The following DEPDC4 variants were observed in gnomAD, a reference collection of about 807,000 sequenced individuals.
DEPDC4 encodes DEP domain-containing protein 4.
Under a neutral mutation model 52.0 loss-of-function variants are expected in DEPDC4, and 52 were observed. The ratio of observed to expected loss-of-function variants is 1.00; its 90% CI spans 0.80 to 1.26. The LOEUF (loss-of-function observed/expected upper bound fraction) is 1.26, where lower values mean the gene tolerates loss of function less well. Among genes scored for constraint, DEPDC4 ranks in the 50% most tolerant of loss-of-function variants. The pLI is 0.00. For missense variants in DEPDC4, 530 were observed against 546.9 expected (o/e 0.97, Z 0.31); for synonymous variants, 201 against 196.8 (o/e 1.02, Z -0.18).
chr12:100,241,283 G>A lies in DEPDC4; in HGVS notation c.*609C>T, dbSNP rs551815203. Among the ~76,000 whole-genome samples, 1 of 152,230 alleles carries A rather than the reference G, an allele frequency of 6.6e-6. No homozygotes were observed. Among genetic ancestry groups the A allele is most frequent in the East Asian group, 1.9e-4 (1 of 5,176 alleles). On this transcript the variant is annotated 3_prime_UTR_variant, in exon 10 of 10. Coordinates refer to ENST00000550587, the MANE Select transcript of DEPDC4 (RefSeq NM_001364818.2). ...AATAATAGCAGCACATTTATTAAGT[G>A]ATTTTAGCAGCATAATTAAGTGAAT...
At chr12:100,281,026 T>TG in the DEPDC4 span, among the ~76,000 whole-genome samples, 4,200 of 100,628 alleles carry the variant, frequency 0.042, 228 homozygotes, top group Non-Finnish European at 0.06. Context: ...AGTGTTTTTT[T>TG]TTTTTTTTTT....
upstream of DEPDC4, among the ~76,000 whole-genome samples, chr12:100,269,631 T>G (rs531395891): frequency 7.9e-5 from 12 of 152,254 alleles, no homozygotes; most frequent in Admixed American, 4.6e-4. Context: ...TTTCCCCTTT[T>G]TGTAGATTAG....
chr12:100,273,924 C>T, the DEPDC4 span, among the ~76,000 whole-genome samples: 5 of 152,132 alleles, frequency 3.3e-5, no homozygotes, highest in South Asian at 6.2e-4. Flanking sequence ...TGTCAGGCAG[C>T]GTTAGAGGAA....
In DEPDC4 at chr12:100,266,977, G is replaced by C; in HGVS notation, c.100C>G (p.Leu34Val). ...CGGTTCCTGGAACTTGGCCCGTTCA[G>C]CCCTGGGCCCGGAAGCTCGTTCTGA... ...VSQNELPGPG[L>V]NGPSSRNRRD... is the part of the protein sequence containing the mutation. The change falls in exon 1 of 10, where the codon CTG becomes GTG. Residue 34 changes from leucine to valine, a missense_variant. Physicochemically the swap from Leu to Val is conservative, Grantham distance 32. Transcript: ENST00000550587. 1 of 1,614,084 alleles carries C rather than the reference G, an allele frequency of 6.2e-7. No homozygotes were observed. The highest frequency in any genetic ancestry group is 1.3e-5 in the African/African-American group (1 of 75,050).
intron 2 of DEPDC4, 64 bp from the exon 3 acceptor site, chr12:100,262,473 T>TG: frequency 8.0e-7 from 1 of 1,246,298 alleles, no homozygotes; most frequent in Non-Finnish European, 1.1e-6. Context: ...AATATATATT[T>TG]AAATTAATGT....
Position 100,256,091 on chromosome 12 carries a change from G to A in DEPDC4, c.836C>T (p.Thr279Ile). The A allele has an allele frequency of 3.7e-6, 6 of 1,613,158 alleles. No homozygotes were observed. The highest frequency in any genetic ancestry group is 1.1e-5 in the South Asian group (1 of 91,014). The change falls in exon 4 of 10, where the codon ACT (threonine) becomes ATT (isoleucine). Residue 279 changes from threonine to isoleucine, a missense_variant. Physicochemically the swap from Thr to Ile is moderately conservative, Grantham distance 89. Transcript: ENST00000550587. ...NKEEDLVITN[T>I]CLDRELIPSL... Reference sequence around the variant, plus strand: ...TGGAATAAGTTCTCTGTCTAGGCAAGTGTTAGTGATAACAAGATCTTCCTC... The same window carrying A: ...TGGAATAAGTTCTCTGTCTAGGCAAATGTTAGTGATAACAAGATCTTCCTC...
chr12:100,268,929 ACT>A (rs1396349433), upstream of DEPDC4, among the ~76,000 whole-genome samples: 1 of 151,544 alleles, frequency 6.6e-6, no homozygotes, highest in Non-Finnish European at 1.5e-5. Flanking sequence ...ATATCTCTTG[ACT>A]CTTGTCTGCT....
rs1272396990 is a variant in DEPDC4, at chr12:100,241,740, C to T, written c.*152G>A. On this transcript the variant is annotated 3_prime_UTR_variant, in exon 10 of 10. Transcript: ENST00000550587. The stretch of plus-strand genomic sequence containing the variant: ...TTTCTTTTTTCGTTTCAGAGAGATG[C>T]TGGGGTTACTATTAATCTCAAGAGC... 1 of 1,274,164 alleles carries T rather than the reference C, an allele frequency of 7.8e-7. No individual in the cohort carries two copies. Among genetic ancestry groups the T allele is most frequent in the South Asian group, 1.3e-5 (1 of 78,004 alleles). 78.9% of individuals were successfully genotyped at this position (1,274,164 alleles called of 1,614,324 possible).
the DEPDC4 span, among the ~76,000 whole-genome samples, chr12:100,276,670 A>G: frequency 6.6e-6 from 1 of 152,060 alleles, no homozygotes; most frequent in Non-Finnish European, 1.5e-5. Context: ...CTAGAGTTTT[A>G]CTGATTTCAT....
chr12:100,278,908 G>A, the DEPDC4 span, among the ~76,000 whole-genome samples: 3 of 152,206 alleles, frequency 2.0e-5, no homozygotes, highest in South Asian at 4.1e-4. Context: ...GATTACAGGC[G>A]TGAGCCACCG....
chr12:100,257,270 G>T (rs1440396901), intron 3 of DEPDC4, among the ~76,000 whole-genome samples: 1 of 151,952 alleles, frequency 6.6e-6, no homozygotes, highest in East Asian at 1.9e-4. Context: ...TAGAGACAGG[G>T]TTTCACCATG....
intron 3 of DEPDC4, among the ~76,000 whole-genome samples, chr12:100,258,963 T>C (rs199559491): frequency 6.6e-6 from 1 of 151,492 alleles, no homozygotes; most frequent in African/African-American, 2.4e-5. Flanking sequence ...CCCAGCTACT[T>C]GGGAGGCTGA....
At chr12:100,262,143 T>C in intron 3 of DEPDC4, 121 bp downstream of exon 3, 2 of 891,706 alleles carry the variant, frequency 2.2e-6, no homozygotes, top group East Asian at 2.7e-5. Context: ...AAGCAAGGGG[T>C]ATGTGGGAAC....
rs977694190 is a variant in DEPDC4 at position 100,240,813 on chromosome 12, G to A, written c.*1079C>T. Among the ~76,000 whole-genome samples the A allele has an allele frequency of 3.3e-5, 5 of 152,200 alleles. No individual in the cohort carries two copies. The highest frequency in any genetic ancestry group is 2.1e-4 in the South Asian group (1 of 4,836). ...CACGCCTGTAATCCCAGCACCTTGG[G>A]AGGCTAAGGTGGGCAGATCACCTGA... On this transcript the variant is annotated 3_prime_UTR_variant, in exon 10 of 10. Transcript: ENST00000550587.
At chr12:100,258,585 T>C (rs1005185767) in intron 3 of DEPDC4, among the ~76,000 whole-genome samples, 1 of 152,164 alleles carries the variant, frequency 6.6e-6, no homozygotes, top group Non-Finnish European at 1.5e-5. Context: ...AGATACAAAG[T>C]GTCATTAATC....
intron 2 of DEPDC4, 29 bp downstream of exon 2, chr12:100,263,468 T>C (rs2096260934): frequency 1.3e-6 from 2 of 1,509,414 alleles, no homozygotes; most frequent in Non-Finnish European, 1.8e-6. Flanking sequence ...CTAAATAAAA[T>C]ATATTACAGT....
Position 100,252,476 on chromosome 12 carries a change from A to G in DEPDC4, c.1166T>C (p.Leu389Pro), listed in dbSNP as rs756120762. The G allele has an allele frequency of 6.2e-7, 1 of 1,608,902 alleles. No homozygotes were observed. The highest frequency in any genetic ancestry group is 2.2e-5 in the East Asian group (1 of 44,836). Residue 389 changes from leucine to proline, a missense_variant, in exon 6 of 10, where the codon CTG (leucine) becomes CCG (proline). Transcript: ENST00000550587. The part of the protein sequence containing the change: ...ATQLYLRLLL[L>P]NIREELRRLL... ...CCGTCGTAATTCTTCTCTAATGTTC[A>G]GCAACAGCAATCTTAGATATAGTTG...
chr12:100,267,026 A>G lies in DEPDC4; in HGVS notation c.51T>C (p.Thr17=). The G allele has an allele frequency of 6.2e-7, 1 of 1,613,946 alleles. No individual in the cohort carries two copies. The highest frequency in any genetic ancestry group is 8.5e-7 in the Non-Finnish European group (1 of 1,179,948). ...GACTGACAAGTCTACGGAACCTCGG[A>G]GTCAAAAGAACCGCCATAAGCTCGC... is the stretch of plus-strand genomic sequence containing the variant. ...PARELMAVLL[T]PRFRRLVSQN... Residue 17 remains threonine (T), a synonymous_variant, in exon 1 of 10, where the codon ACT becomes ACC. Transcript: ENST00000550587.
At chr12:100,237,207 CTTTTTTTT>C (rs55710732), downstream of DEPDC4, among the ~76,000 whole-genome samples, 39 of 136,170 alleles carry the variant, frequency 2.9e-4, 1 homozygote, top group Admixed American at 2.2e-3. Context: ...TTTTCTTTTT[CTTTTTTTT>C]TTTTTTTGAA....
Sources: gnomAD v4.1 joint callset for allele counts (sites outside exome capture counted in the v4.1 genomes callset) on GRCh38, gnomAD v4.1.1 for gene constraint, MANE v1.5 for transcripts, NCBI Gene and HGNC (gene_info 2026-07-23, HGNC 2026-07-21) for gene names.